Variants in SMIM20 observed in about 807,000 individuals in gnomAD.
SMIM20 encodes mitochondrial translation regulation assembly intermediate of cytochrome c oxidase protein of 7 kDa.
In SMIM20, 3 loss-of-function variants were observed where a neutral mutation model predicts 8.7. That is an observed-to-expected ratio of 0.34 (90% confidence interval 0.16 to 0.89). The LOEUF (loss-of-function observed/expected upper bound fraction) is 0.89, where lower values mean the gene tolerates loss of function less well. Ranked by LOEUF, SMIM20 falls within the 40% of genes least tolerant of loss-of-function variation. The pLI is 0.49. For synonymous variants in SMIM20, 44 were observed against 33.6 expected, an observed-to-expected ratio of 1.31 and a Z score of -1.07; for missense variants, 85 against 84.8, an observed-to-expected ratio of 1.00 and a Z score of -0.01.
At chr4:25,927,338 G>A (rs1711531630) in intron 1 of SMIM20, among the ~76,000 whole-genome samples, 1 of 152,210 alleles carries the variant, frequency 6.6e-6, no homozygotes, top group South Asian at 2.1e-4. Flanking sequence ...GACTAGAGAA[G>A]CAAGTTCAAT....
At chr4:25,917,950 T>TG (rs1278158081) in intron 1 of SMIM20, among the ~76,000 whole-genome samples, 2 of 149,794 alleles carry the variant, frequency 1.3e-5, no homozygotes, top group Non-Finnish European at 3.0e-5. Context: ...TTTTTTGTTT[T>TG]TTTTTTTTTT....
Position 25,929,690 on chromosome 4 carries a change from T to C in SMIM20, c.*499T>C, listed in dbSNP as rs999683214. 4 of 152,840 alleles carry C rather than the reference T, an allele frequency of 2.6e-5. No individual in the cohort carries two copies. The highest frequency in any genetic ancestry group is 9.6e-5 in the African/African-American group (4 of 41,490). The allele number at this position is 152,840 out of a possible 1,614,324, so 9.5% of individuals were successfully genotyped here. ...ACAAGGTACTTCGTGCACCTCATGCTGAAGATTGCACCGTGTTGGAAAATA... is the reference window on the plus strand; with the variant it reads ...ACAAGGTACTTCGTGCACCTCATGCCGAAGATTGCACCGTGTTGGAAAATA... On this transcript the variant is annotated 3_prime_UTR_variant, in exon 3 of 3. Coordinates refer to ENST00000506197, the MANE Select transcript of SMIM20 (RefSeq NM_001145432.3).
chr4:25,927,799 G>C (rs757388078), intron 1 of SMIM20, among the ~76,000 whole-genome samples: 1 of 152,226 alleles, frequency 6.6e-6, no homozygotes, highest in Non-Finnish European at 1.5e-5. Flanking sequence ...AATTAGGGAA[G>C]CTTCAATTAT....
At chr4:25,915,856 G>T (rs867412371) in intron 1 of SMIM20, among the ~76,000 whole-genome samples, 4 of 117,872 alleles carry the variant, frequency 3.4e-5, no homozygotes, top group Admixed American at 7.9e-5. Flanking sequence ...ACTTGGGATG[G>T]GGCGGGGGGG....
chr4:25,915,623 AG>A (rs1719069760), intron 1 of SMIM20, among the ~76,000 whole-genome samples: 1 of 152,142 alleles, frequency 6.6e-6, no homozygotes, highest in African/African-American at 2.4e-5. Context: ...CGTGGGAGTA[AG>A]GTGGGCTGTG....
rs1419501352 is a variant in SMIM20, at chr4:25,929,490, T to C, written c.*299T>C. On this transcript the variant is annotated 3_prime_UTR_variant, in exon 3 of 3. Transcript: ENST00000506197. ...TGGAGGAGCAATCTGCTTATTATTC[T>C]GTCGTTACCACTTACTCAAGCGAGC... is the stretch of plus-strand genomic sequence containing the variant. The C allele has an allele frequency of 6.2e-6, 2 of 323,924 alleles. No individual in the cohort carries two copies. Among genetic ancestry groups the C allele is most frequent in the East Asian group, 5.5e-5 (1 of 18,094 alleles). 20.1% of individuals were successfully genotyped at this position (323,924 alleles called of 1,614,324 possible). A position where few individuals can be genotyped will look rare whatever the true frequency, so the allele number is the denominator to read the frequency against.
chr4:25,927,748 G>A lies in SMIM20; in HGVS notation c.110-565G>A, dbSNP rs114234586. 6.1e-3 allele frequency among the ~76,000 whole-genome samples: 923 copies of A among 152,330 alleles called. 7 individuals are homozygous for A. Among genetic ancestry groups the A allele is most frequent in the African/African-American group, 0.02 (848 of 41,576 alleles). On this transcript the variant is annotated intron_variant, in intron 1 of 2. Transcript: ENST00000506197. ...CATCTCCAAAGAGACTGGCTTAGTT[G>A]CTGTCGCTACAATGTGCTAATTGGC...
chr4:25,918,158 G>C (rs1719129034), intron 1 of SMIM20, among the ~76,000 whole-genome samples: 1 of 151,990 alleles, frequency 6.6e-6, no homozygotes, highest in Non-Finnish European at 1.5e-5. Flanking sequence ...TAGCCAGGAT[G>C]GTCTCGACCT....
intron 1 of SMIM20, among the ~76,000 whole-genome samples, chr4:25,915,864 G>GT (rs1462846829): frequency 1.6e-5 from 2 of 126,776 alleles, no homozygotes; most frequent in Non-Finnish European, 1.7e-5. Context: ...TGGGGCGGGG[G>GT]GGGGGTCGAG....
intron 1 of SMIM20, among the ~76,000 whole-genome samples, chr4:25,924,552 C>A (rs745989052): frequency 2.0e-5 from 3 of 152,214 alleles, no homozygotes; most frequent in Non-Finnish European, 2.9e-5. Context: ...TATTGTCCTT[C>A]ACCTTGATTT....
chr4:25,924,310 A>G (rs550704167), intron 1 of SMIM20, among the ~76,000 whole-genome samples: 22 of 152,310 alleles, frequency 1.4e-4, no homozygotes, highest in Admixed American at 1.4e-3. Flanking sequence ...GACTTTTCGT[A>G]TGCATGTTGT....
chr4:25,914,358 C>T lies in SMIM20; in HGVS notation c.45C>T (p.Ile15=). Residue 15 remains isoleucine (I), a synonymous_variant, in exon 1 of 3, where the codon ATC becomes ATT. Coordinates refer to ENST00000506197, the MANE Select transcript of SMIM20 (RefSeq NM_001145432.3). Reference sequence around the variant, plus strand: ...CCGCGCTCATTTTCGGCGGCTTCATCTCCCTGATCGGCGCCGCCTTCTATC... The same window carrying T: ...CCGCGCTCATTTTCGGCGGCTTCATTTCCCTGATCGGCGCCGCCTTCTATC... ...LRTALIFGGF[I]SLIGAAFYPI... The T allele has an allele frequency of 6.5e-7, 1 of 1,550,228 alleles. No individual in the cohort carries two copies. Among genetic ancestry groups the T allele is most frequent in the Non-Finnish European group, 8.7e-7 (1 of 1,146,064 alleles).
chr4:25,928,040 C>G (rs1182929851), intron 1 of SMIM20, among the ~76,000 whole-genome samples: 1 of 152,154 alleles, frequency 6.6e-6, no homozygotes, highest in Non-Finnish European at 1.5e-5. Context: ...TCTTGTCTTT[C>G]CAAAATGCTG....
In SMIM20 at chr4:25,914,931, G is replaced by A. The variant is rs891048925; in HGVS notation, c.109+509G>A. Among the ~76,000 whole-genome samples, 3 of 152,180 alleles carry A rather than the reference G, an allele frequency of 2.0e-5. No homozygotes were observed. In the East Asian group the frequency reaches 5.8e-4, roughly 29 times the overall value. Reference sequence around the variant, plus strand: ...ACAAGGCAAATATATCCAACCCCAGGCCTCTGTCCAGAGCCTCCTCCAAGC... The same window carrying A: ...ACAAGGCAAATATATCCAACCCCAGACCTCTGTCCAGAGCCTCCTCCAAGC... On this transcript the variant is annotated intron_variant, in intron 1 of 2. Transcript: ENST00000506197.
At chr4:25,928,824 A>G (rs1711580188) in intron 2 of SMIM20, among the ~76,000 whole-genome samples, 1 of 152,238 alleles carries the variant, frequency 6.6e-6, no homozygotes, top group Non-Finnish European at 1.5e-5. Context: ...AGAGGATCCA[A>G]GTTAGCCAGG....
chr4:25,914,500 C>T, intron 1 of SMIM20, 78 bp downstream of exon 1: 1 of 1,320,638 alleles, frequency 7.6e-7, no homozygotes, highest in South Asian at 1.9e-5. Flanking sequence ...CACGTGGTGC[C>T]GTGGAAAGAA....
chr4:25,917,069 A>C (rs1332183041), intron 1 of SMIM20, among the ~76,000 whole-genome samples: 1 of 152,084 alleles, frequency 6.6e-6, no homozygotes, highest in Non-Finnish European at 1.5e-5. Context: ...ATGTGGACAA[A>C]CTGAGGTGTG....
intron 1 of SMIM20, among the ~76,000 whole-genome samples, chr4:25,923,534 A>G (rs1451127489): frequency 6.6e-6 from 1 of 152,192 alleles, no homozygotes; most frequent in Non-Finnish European, 1.5e-5. Flanking sequence ...TAACTCCTTG[A>G]CCTTGCCTGT....
At position 25,917,933 on chromosome 4, in the gene SMIM20, G is replaced by GTTTTT. The variant is rs1252198807; in HGVS notation, c.109+3519_109+3523dup. Among the ~76,000 whole-genome samples the GTTTTT allele has an allele frequency of 2.0e-3, 285 of 139,122 alleles. 3 individuals carry two copies. Among genetic ancestry groups the GTTTTT allele is most frequent in the African/African-American group, 7.0e-3 (263 of 37,754 alleles). The allele number at this position is 139,122 out of a possible 152,430, so 91.3% of individuals were successfully genotyped here. Reference sequence around the variant, plus strand: ...TTGCTTTGGGGCCTGGTACAGGTCAGTTTTTTTTTTTTGTTTTTTTTTTTT... The same window carrying GTTTTT: ...TTGCTTTGGGGCCTGGTACAGGTCAGTTTTTTTTTTTTTTTTTGTTTTTTTTTTTT... On this transcript the variant is annotated intron_variant, in intron 1 of 2. Transcript: ENST00000506197.
Sources: gnomAD v4.1 joint callset for allele counts (sites outside exome capture counted in the v4.1 genomes callset) on GRCh38, gnomAD v4.1.1 for gene constraint, MANE v1.5 for transcripts, NCBI Gene and HGNC (gene_info 2026-07-23, HGNC 2026-07-21) for gene names.